SCAPER: variants seen among roughly 807,000 people sequenced by gnomAD.
The protein encoded by SCAPER is S phase cyclin A-associated protein in the endoplasmic reticulum.
In SCAPER, 98 loss-of-function variants were observed where a neutral mutation model predicts 182.2. The observed-to-expected ratio is 0.54, with a 90% CI of 0.46 to 0.64. The LOEUF (loss-of-function observed/expected upper bound fraction) is 0.64, where lower values mean the gene tolerates loss of function less well. Among genes scored for constraint, SCAPER ranks in the 30% least tolerant of loss-of-function variants. SCAPER has a pLI of 0.00. For missense variants in SCAPER, 1,432 were observed against 1,690.0 expected (o/e 0.85, Z 2.68); for synonymous variants, 605 against 564.6 (o/e 1.07, Z -1.01).
chr15:76,549,895 G>GT (rs1485329934), intron 23 of SCAPER, among the ~76,000 whole-genome samples: 4 of 152,142 alleles, frequency 2.6e-5, no homozygotes, highest in African/African-American at 9.7e-5. Flanking sequence ...TGACATTAAT[G>GT]TAAGTAAGGA....
chr15:76,896,293 C>T (rs921707318), intron 1 of SCAPER, among the ~76,000 whole-genome samples: 3 of 152,020 alleles, frequency 2.0e-5, no homozygotes, highest in Non-Finnish European at 4.4e-5. Flanking sequence ...TCACCGGAGC[C>T]TGGGGAGGTC....
intron 4 of SCAPER, among the ~76,000 whole-genome samples, chr15:76,844,847 C>G (rs1426798314): frequency 6.6e-6 from 1 of 152,112 alleles, no homozygotes; most frequent in Admixed American, 6.6e-5. Flanking sequence ...GGAGGGAATA[C>G]TTCCAAAATC....
intron 23 of SCAPER, among the ~76,000 whole-genome samples, chr15:76,543,450 A>G (rs1371412742): frequency 6.6e-6 from 1 of 152,200 alleles, no homozygotes; most frequent in Non-Finnish European, 1.5e-5. Flanking sequence ...GGTAAGAGAA[A>G]GATTTTAAGT....
chr15:76,826,602 A>G (rs1181094890), intron 5 of SCAPER, among the ~76,000 whole-genome samples: 1 of 152,146 alleles, frequency 6.6e-6, no homozygotes, highest in Non-Finnish European at 1.5e-5. Context: ...ATCTCAATAA[A>G]AAGTGCAAAT....
At chr15:76,742,340 T>C (rs1225056722) in intron 15 of SCAPER, among the ~76,000 whole-genome samples, 1 of 148,770 alleles carries the variant, frequency 6.7e-6, no homozygotes, top group African/African-American at 2.5e-5. Flanking sequence ...AAGTAGGTAA[T>C]CTAGAGGAAG....
intron 15 of SCAPER, among the ~76,000 whole-genome samples, chr15:76,736,225 T>C (rs973356570): frequency 6.6e-6 from 1 of 152,222 alleles, no homozygotes; most frequent in Non-Finnish European, 1.5e-5. Flanking sequence ...ACACTTTTTC[T>C]AAAAAATGCT....
intron 25 of SCAPER, among the ~76,000 whole-genome samples, chr15:76,452,176 T>G (rs1413327980): frequency 1.3e-5 from 2 of 152,228 alleles, no homozygotes; most frequent in African/African-American, 4.8e-5. Context: ...AATTTCAAGA[T>G]TCTGTTCTCA....
rs1290880980 is a variant in SCAPER, at chr15:76,592,366, C to T, written c.2712-18082G>A. ...AAATAAAATGTTATTTGAATATGGT[C>T]ACACAAATTGATTTATGTATTCTCT... is the stretch of plus-strand genomic sequence containing the variant. On this transcript the variant is annotated intron_variant, in intron 22 of 31. Coordinates refer to ENST00000563290, the MANE Select transcript of SCAPER (RefSeq NM_020843.4). Among the ~76,000 whole-genome samples, 5 of 102,186 alleles carry T rather than the reference C, an allele frequency of 4.9e-5. 1 individual carries two copies. The highest frequency in any genetic ancestry group is 1.3e-4 in the African/African-American group (5 of 37,056). The allele number at this position is 102,186 out of a possible 152,430, so 67.0% of individuals were successfully genotyped here.
intron 20 of SCAPER, among the ~76,000 whole-genome samples, chr15:76,685,033 T>G (rs2057949518): frequency 6.6e-6 from 1 of 152,048 alleles, no homozygotes; most frequent in Non-Finnish European, 1.5e-5. Context: ...ATAAAAAAGA[T>G]AATATACCAG....
chr15:76,451,116 CAGTA>C (rs1250902937), intron 25 of SCAPER, among the ~76,000 whole-genome samples: 2 of 152,188 alleles, frequency 1.3e-5, no homozygotes, highest in Non-Finnish European at 2.9e-5. Flanking sequence ...TGCAATCACA[CAGTA>C]GGTAGATTTT....
chr15:76,705,791 T>C lies in SCAPER; in HGVS notation c.2247+112A>G, dbSNP rs185905751. On this transcript the variant is annotated intron_variant, in intron 18 of 31. Coordinates refer to ENST00000563290, the MANE Select transcript of SCAPER (RefSeq NM_020843.4). Reference sequence around the variant, plus strand: ...TTGTAGCAAAATCATATAAGCTTTGTTGTGCAAAGATTAAGAATACAAATT... The same window carrying C: ...TTGTAGCAAAATCATATAAGCTTTGCTGTGCAAAGATTAAGAATACAAATT... 887 of 700,012 alleles carry C rather than the reference T, an allele frequency of 1.3e-3. 3 individuals are homozygous for C. The highest frequency in any genetic ancestry group is 3.8e-3 in the Admixed American group (119 of 31,062). 43.4% of individuals were successfully genotyped at this position (700,012 alleles called of 1,614,324 possible).
chr15:76,843,249 C>T (rs1387382796), intron 4 of SCAPER, among the ~76,000 whole-genome samples: 1 of 152,176 alleles, frequency 6.6e-6, no homozygotes, highest in East Asian at 1.9e-4. Flanking sequence ...TCTATCATTA[C>T]GTGTGACTGC....
chr15:76,392,262 C>T (rs2043748108), intron 27 of SCAPER, among the ~76,000 whole-genome samples: 1 of 152,026 alleles, frequency 6.6e-6, no homozygotes, highest in African/African-American at 2.4e-5. Context: ...CTTCTATAAG[C>T]TATCTCAAGT....
intron 23 of SCAPER, among the ~76,000 whole-genome samples, chr15:76,544,475 T>C (rs983587618): frequency 3.3e-5 from 5 of 152,190 alleles, no homozygotes; most frequent in African/African-American, 1.2e-4. Flanking sequence ...TGGACTATTA[T>C]TCAGCAATAA....
At chr15:76,881,518 ATTAT>A in intron 2 of SCAPER, among the ~76,000 whole-genome samples, 1 of 152,358 alleles carries the variant, frequency 6.6e-6, no homozygotes, top group African/African-American at 2.4e-5. Context: ...ATATATTATT[ATTAT>A]TTATTTATAA....
intron 15 of SCAPER, among the ~76,000 whole-genome samples, chr15:76,742,984 C>T (rs2061625712): frequency 6.6e-6 from 1 of 151,982 alleles, no homozygotes; most frequent in East Asian, 1.9e-4. Flanking sequence ...TTTGTTATAA[C>T]AAAGATGACA....
intron 21 of SCAPER, among the ~76,000 whole-genome samples, chr15:76,640,669 C>G (rs2054027501): frequency 6.6e-6 from 1 of 152,106 alleles, no homozygotes; most frequent in African/African-American, 2.4e-5. Flanking sequence ...GTGATCAGTG[C>G]CAAGCTATGA....
intron 29 of SCAPER, among the ~76,000 whole-genome samples, chr15:76,363,291 C>G (rs1029540737): frequency 6.6e-6 from 1 of 152,204 alleles, no homozygotes; most frequent in African/African-American, 2.4e-5. Flanking sequence ...TGACTGAGGA[C>G]CAAATCCTTA....
intron 21 of SCAPER, among the ~76,000 whole-genome samples, chr15:76,652,371 C>CACACACATATATAT (rs764864981): frequency 1.2e-3 from 10 of 8,052 alleles, no homozygotes; most frequent in Non-Finnish European, 8.5e-4. Context: ...CACACACACA[C>CACACACATATATAT]ATATATATAT....
Sources: allele counts gnomAD v4.1 joint callset (sites outside exome capture counted in the v4.1 genomes callset), GRCh38; gene constraint gnomAD v4.1.1; transcripts MANE v1.5; gene names NCBI Gene and HGNC (gene_info 2026-07-23, HGNC 2026-07-21).